Variants in LRRC69 observed in about 807,000 individuals in gnomAD.
LRRC69 encodes the protein leucine-rich repeat-containing protein 69.
In LRRC69, 42 loss-of-function variants were observed where a neutral mutation model predicts 37.8. The ratio of observed to expected loss-of-function variants is 1.11; its 90% CI spans 0.87 to 1.44. The LOEUF is 1.44. Ranked by LOEUF, LRRC69 falls within the 40% of genes most tolerant of loss-of-function variation. LRRC69 has a pLI of 0.00. For missense variants in LRRC69, 357 were observed against 401.9 expected (o/e 0.89, Z 0.96); for synonymous variants, 141 against 143.1 (o/e 0.99, Z 0.11).
At chr8:91,128,891 C>T (rs771538921) in intron 3 of LRRC69, among the ~76,000 whole-genome samples, 1 of 152,106 alleles carries the variant, frequency 6.6e-6, no homozygotes, top group East Asian at 1.9e-4. Flanking sequence ...TAAGCAGCAG[C>T]CTCAGCAGGA....
At chr8:91,166,501 A>G (rs1809031796) in intron 5 of LRRC69, among the ~76,000 whole-genome samples, 1 of 147,062 alleles carries the variant, frequency 6.8e-6, no homozygotes, top group South Asian at 2.2e-4. Context: ...TGAAAAAAAA[A>G]AAAAAAAAAA....
intron 7 of LRRC69, among the ~76,000 whole-genome samples, chr8:91,204,837 C>T (rs192995987): frequency 6.6e-6 from 1 of 152,216 alleles, no homozygotes; most frequent in Non-Finnish European, 1.5e-5. Flanking sequence ...ATGAACTTCA[C>T]TATATGTGTT....
intron 1 of LRRC69, among the ~76,000 whole-genome samples, chr8:91,112,033 G>A (rs1459665496): frequency 6.6e-6 from 1 of 151,914 alleles, no homozygotes; most frequent in African/African-American, 2.4e-5. Flanking sequence ...CATTAAGCAC[G>A]AAAATCTGTT....
chr8:91,140,928 C>T (rs1808521228), intron 5 of LRRC69, among the ~76,000 whole-genome samples: 1 of 17,212 alleles, frequency 5.8e-5, no homozygotes. Context: ...GCTGGGATTA[C>T]AGGCGTGAGC....
chr8:91,139,690 C>T (rs1393972547), intron 5 of LRRC69, among the ~76,000 whole-genome samples: 1 of 151,894 alleles, frequency 6.6e-6, no homozygotes, highest in African/African-American at 2.4e-5. Flanking sequence ...AGGACCTCTT[C>T]ATGTGTGTTT....
At chr8:91,158,294 T>C in intron 5 of LRRC69, 1 of 1,506,050 alleles carries the variant, frequency 6.6e-7, no homozygotes, top group Non-Finnish European at 9.2e-7. Flanking sequence ...CTTGAAAGTA[T>C]TCAATCCCAG....
At chr8:91,176,810 A>G (rs189329987) in intron 5 of LRRC69, among the ~76,000 whole-genome samples, 2 of 151,964 alleles carry the variant, frequency 1.3e-5, no homozygotes, top group Admixed American at 6.5e-5. Context: ...GGGGAGGGCA[A>G]TCTGCTTCAT....
intron 5 of LRRC69, among the ~76,000 whole-genome samples, chr8:91,141,547 C>A (rs1808533674): frequency 6.6e-6 from 1 of 152,038 alleles, no homozygotes; most frequent in African/African-American, 2.4e-5. Context: ...TTTCCAATTC[C>A]ATAAACAATT....
intron 5 of LRRC69, among the ~76,000 whole-genome samples, chr8:91,166,452 A>G (rs962849722): frequency 1.4e-5 from 2 of 145,898 alleles, no homozygotes; most frequent in South Asian, 2.2e-4. Context: ...AACCTGGACA[A>G]TGAGAGAACA....
At chr8:91,149,022 A>G (rs1808676360) in intron 5 of LRRC69, among the ~76,000 whole-genome samples, 2 of 150,660 alleles carry the variant, frequency 1.3e-5, no homozygotes, top group African/African-American at 4.8e-5. Flanking sequence ...ATTTTCTCCC[A>G]TTTTGTAGGT....
chr8:91,163,597 T>A (rs1808982418), intron 5 of LRRC69, among the ~76,000 whole-genome samples: 1 of 151,526 alleles, frequency 6.6e-6, no homozygotes. Context: ...CTTGCTTTTA[T>A]ATTGCTTTCC....
chr8:91,150,018 T>A (rs1808700449), intron 5 of LRRC69, among the ~76,000 whole-genome samples: 1 of 152,044 alleles, frequency 6.6e-6, no homozygotes, highest in South Asian at 2.1e-4. Context: ...TATATAATCA[T>A]GTCATCTGCA....
In LRRC69 at chr8:91,173,347, C is replaced by T. The variant is rs1249971341; in HGVS notation, c.652-16175C>T. 3.3e-5 allele frequency among the ~76,000 whole-genome samples: 5 copies of T among 150,868 alleles called. 1 individual carries two copies. The highest frequency in any genetic ancestry group is 1.5e-5 in the Non-Finnish European group (1 of 67,940). ...TTGGGCTTCCATATTCATCCTGGGT[C>T]AATGCTTCCTTCCTCATTTGATACT... On this transcript the variant is annotated intron_variant, in intron 5 of 7. Coordinates refer to ENST00000448384, the Ensembl canonical transcript of LRRC69.
At chr8:91,116,942 A>G (rs1432085914) in intron 1 of LRRC69, among the ~76,000 whole-genome samples, 1 of 152,086 alleles carries the variant, frequency 6.6e-6, no homozygotes, top group East Asian at 1.9e-4. Flanking sequence ...ATCAATGGAC[A>G]TTGAGATGCT....
chr8:91,159,248 T>C (rs1179917313), intron 5 of LRRC69, among the ~76,000 whole-genome samples: 2 of 151,222 alleles, frequency 1.3e-5, no homozygotes, highest in African/African-American at 4.8e-5. Context: ...AAATCTGAGT[T>C]TTGTGAACCC....
intron 5 of LRRC69, among the ~76,000 whole-genome samples, chr8:91,150,153 G>A (rs953454502): frequency 6.6e-6 from 1 of 151,980 alleles, no homozygotes; most frequent in African/African-American, 2.4e-5. Flanking sequence ...GGGCATCCCT[G>A]TCTTGTGCCA....
chr8:91,162,364 C>T (rs1414464085), intron 5 of LRRC69, among the ~76,000 whole-genome samples: 2 of 151,338 alleles, frequency 1.3e-5, no homozygotes, highest in African/African-American at 4.8e-5. Context: ...GAGTCCCCAA[C>T]TATTATTGTA....
intron 4 of LRRC69, among the ~76,000 whole-genome samples, chr8:91,135,182 T>C (rs905580417): frequency 6.6e-6 from 1 of 152,022 alleles, no homozygotes. Context: ...TGGAAGACTA[T>C]GTAGGACTTA....
intron 1 of LRRC69, among the ~76,000 whole-genome samples, chr8:91,113,804 T>C (rs1445840301): frequency 6.6e-6 from 1 of 151,626 alleles, no homozygotes; most frequent in Non-Finnish European, 1.5e-5. Context: ...TTGCAAAGCA[T>C]ATATATGATG....
Sources: allele counts gnomAD v4.1 joint callset (sites outside exome capture counted in the v4.1 genomes callset), GRCh38; gene constraint gnomAD v4.1.1; transcripts MANE v1.5; gene names NCBI Gene and HGNC (gene_info 2026-07-23, HGNC 2026-07-21).